Variants in MB21D2 observed in about 807,000 individuals in gnomAD.
MB21D2 encodes Mab-21 domain containing 2, also known as nucleotidyltransferase MB21D2.
A neutral mutation model predicts 33.3 loss-of-function variants in MB21D2; 9 were observed. The ratio of observed to expected loss-of-function variants is 0.27; its 90% CI spans 0.16 to 0.47. The LOEUF (loss-of-function observed/expected upper bound fraction) is 0.47, where lower values mean the gene tolerates loss of function less well. MB21D2 is among the 20% of genes least tolerant of loss of function. MB21D2 has a pLI of 0.99. For missense variants in MB21D2, 540 were observed against 624.6 expected, an observed-to-expected ratio of 0.86 and a Z score of 1.44; for synonymous variants, 241 against 236.3, an observed-to-expected ratio of 1.02 and a Z score of -0.18.
At chr3:192,857,002 C>T (rs944071368) in intron 1 of MB21D2, among the ~76,000 whole-genome samples, 1 of 152,062 alleles carries the variant, frequency 6.6e-6, no homozygotes, top group African/African-American at 2.4e-5. Context: ...AAAAAATGAT[C>T]ACATACTACA....
intron 1 of MB21D2, among the ~76,000 whole-genome samples, chr3:192,876,403 C>T (rs116884701): frequency 6.6e-6 from 1 of 152,342 alleles, no homozygotes; most frequent in East Asian, 1.9e-4. Context: ...TAGTTTTCTC[C>T]ATAATTGCTG....
intron 1 of MB21D2, among the ~76,000 whole-genome samples, chr3:192,895,950 T>C (rs2108649118): frequency 6.6e-6 from 1 of 152,322 alleles, no homozygotes; most frequent in South Asian, 2.1e-4. Flanking sequence ...TAGACCTTTA[T>C]TCAGACAACT....
chr3:192,813,170 G>C (rs781412819), intron 1 of MB21D2, among the ~76,000 whole-genome samples: 1 of 152,136 alleles, frequency 6.6e-6, no homozygotes, highest in Non-Finnish European at 1.5e-5. Context: ...AAGCTGAAGG[G>C]ATCATCTAGG....
intron 1 of MB21D2, among the ~76,000 whole-genome samples, chr3:192,806,525 AG>A (rs1202042359): frequency 6.6e-6 from 1 of 152,198 alleles, no homozygotes; most frequent in African/African-American, 2.4e-5. Context: ...ACTCACGAAA[AG>A]GCGTCACAAA....
chr3:192,863,324 T>C (rs1560242762), intron 1 of MB21D2, among the ~76,000 whole-genome samples: 2 of 152,142 alleles, frequency 1.3e-5, no homozygotes, highest in Non-Finnish European at 2.9e-5. Flanking sequence ...ACCCAATTTG[T>C]GGTGATTTGT....
chr3:192,874,002 T>C (rs1190800664), intron 1 of MB21D2, among the ~76,000 whole-genome samples: 1 of 152,198 alleles, frequency 6.6e-6, no homozygotes, highest in Non-Finnish European at 1.5e-5. Context: ...CACTTTGGCA[T>C]TGAGCACAGT....
intron 1 of MB21D2, among the ~76,000 whole-genome samples, chr3:192,828,638 A>G (rs1165505666): frequency 2.9e-5 from 1 of 34,214 alleles, no homozygotes; most frequent in Non-Finnish European, 4.9e-5. Context: ...ATATATATAT[A>G]TATATATATA....
Position 192,799,668 on chromosome 3 carries a change from A to T in MB21D2, c.212-18T>A. Reference sequence around the variant, plus strand: ...CACCATTCCTGGAAATAAAGAAGAAAAAAACAACACTATTACAGGAAACAC... The same window carrying T: ...CACCATTCCTGGAAATAAAGAAGAATAAAACAACACTATTACAGGAAACAC... On this transcript the variant is annotated intron_variant, in intron 1 of 1. Coordinates refer to ENST00000392452, the MANE Select transcript of MB21D2 (RefSeq NM_178496.4). This position sits in a 1 kb window ranked among gnomAD's most constrained non-coding sequence, Gnocchi z 4.1. The T allele has an allele frequency of 6.2e-7, 1 of 1,604,244 alleles. No homozygotes were observed. The highest frequency in any genetic ancestry group is 8.5e-7 in the Non-Finnish European group (1 of 1,176,094).
At chr3:192,916,643 A>G (rs1158788946) in intron 1 of MB21D2, among the ~76,000 whole-genome samples, 1 of 150,588 alleles carries the variant, frequency 6.6e-6, no homozygotes, top group Non-Finnish European at 1.5e-5. Context: ...GGCGCCTGGC[A>G]AACTCACACT....
chr3:192,798,826 T>C lies in MB21D2; in HGVS notation c.1036A>G (p.Asn346Asp). The change falls in exon 2 of 2, where the codon AAC (asparagine) becomes GAC (aspartate). Residue 346 changes from asparagine (N) to aspartate (D), a missense_variant. By Grantham distance (23) the Asn-to-Asp change is conservative. Coordinates refer to ENST00000392452, the MANE Select transcript of MB21D2 (RefSeq NM_178496.4). This position sits in a 1 kb window ranked among gnomAD's most constrained non-coding sequence, Gnocchi z 4.8. ...MLWACDRLPA[N>D]YLAQEDYAAH... Reference sequence around the variant, plus strand: ...GCATAGTCTTCTTGAGCCAAGTAGTTGGCAGGAAGTCTGTCGCAGGCCCAG... The same window carrying C: ...GCATAGTCTTCTTGAGCCAAGTAGTCGGCAGGAAGTCTGTCGCAGGCCCAG... The C allele has an allele frequency of 6.2e-7, 1 of 1,612,000 alleles. No homozygotes were observed. The highest frequency in any genetic ancestry group is 1.1e-5 in the South Asian group (1 of 91,074).
At chr3:192,845,732 T>C (rs1409731294) in intron 1 of MB21D2, among the ~76,000 whole-genome samples, 1 of 152,280 alleles carries the variant, frequency 6.6e-6, no homozygotes, top group East Asian at 1.9e-4. Context: ...GAAAGAGTGG[T>C]ACACAGGAGT....
chr3:192,896,561 C>T (rs1713978081), intron 1 of MB21D2, among the ~76,000 whole-genome samples: 4 of 152,196 alleles, frequency 2.6e-5, no homozygotes, highest in Non-Finnish European at 5.9e-5. Flanking sequence ...GCCTACCCTC[C>T]CTTCCAGATC....
chr3:192,884,759 T>G (rs1244187826), intron 1 of MB21D2, among the ~76,000 whole-genome samples: 1 of 152,096 alleles, frequency 6.6e-6, no homozygotes, highest in Non-Finnish European at 1.5e-5. Context: ...TGCACACATG[T>G]GTACAACTGT....
chr3:192,900,739 G>A (rs2367135), intron 1 of MB21D2, among the ~76,000 whole-genome samples: 81,477 of 151,466 alleles, frequency 0.54, 22,096 homozygotes, highest in African/African-American at 0.55. Flanking sequence ...TCAGGAGTTC[G>A]AGACAAGCCT....
At chr3:192,913,397 CAAAT>C (rs1033600384) in intron 1 of MB21D2, among the ~76,000 whole-genome samples, 5 of 152,088 alleles carry the variant, frequency 3.3e-5, no homozygotes, top group Admixed American at 6.5e-5. Flanking sequence ...GACCCTGTCT[CAAAT>C]AAATAAATAA....
chr3:192,830,609 G>C (rs1453360156), intron 1 of MB21D2, among the ~76,000 whole-genome samples: 1 of 152,204 alleles, frequency 6.6e-6, no homozygotes, highest in Non-Finnish European at 1.5e-5. Context: ...CTCTGCAAAA[G>C]AAAAGGAGGA....
intron 1 of MB21D2, among the ~76,000 whole-genome samples, chr3:192,848,692 C>G (rs1009458031): frequency 6.6e-6 from 1 of 152,230 alleles, no homozygotes; most frequent in Non-Finnish European, 1.5e-5. Context: ...CCAGAATCTA[C>G]GTGTTATACA....
chr3:192,911,702 G>A (rs979632646), intron 1 of MB21D2, among the ~76,000 whole-genome samples: 1 of 152,172 alleles, frequency 6.6e-6, no homozygotes, highest in African/African-American at 2.4e-5. Context: ...GGAAGACCCA[G>A]GACTGTCGAC....
At chr3:192,885,502 A>G (rs2108644713) in intron 1 of MB21D2, among the ~76,000 whole-genome samples, 1 of 152,230 alleles carries the variant, frequency 6.6e-6, no homozygotes, top group East Asian at 1.9e-4. Context: ...CATGCACAGC[A>G]GGAAAACTCC....
Sources: allele counts gnomAD v4.1 joint callset (sites outside exome capture counted in the v4.1 genomes callset), GRCh38; gene constraint gnomAD v4.1.1; non-coding constraint Gnocchi (gnomAD v3.1); transcripts MANE v1.5; gene names NCBI Gene and HGNC (gene_info 2026-07-23, HGNC 2026-07-21).